PPP2R5C: variants seen among roughly 807,000 people sequenced by gnomAD.
The protein encoded by PPP2R5C is protein phosphatase 2 regulatory subunit B'gamma.
Under a neutral mutation model 68.9 loss-of-function variants are expected in PPP2R5C, and 7 were observed. That is an observed-to-expected ratio of 0.10 (90% CI 0.06 to 0.19). The LOEUF (loss-of-function observed/expected upper bound fraction) is 0.19. Ranked by LOEUF, PPP2R5C falls within the 10% of genes least tolerant of loss-of-function variation. PPP2R5C has a pLI of 1.00. For missense variants in PPP2R5C, 348 were observed against 641.3 expected (o/e 0.54, Z 4.94); for synonymous variants, 210 against 222.2 (o/e 0.95, Z 0.49).
At chr14:101,861,608 C>A (rs1210873985) in intron 2 of PPP2R5C, among the ~76,000 whole-genome samples, 1 of 152,154 alleles carries the variant, frequency 6.6e-6, no homozygotes, top group Non-Finnish European at 1.5e-5. Flanking sequence ...TGTATTATTT[C>A]ATGACCCTTG....
intron 3 of PPP2R5C, among the ~76,000 whole-genome samples, chr14:101,787,047 T>C (rs987932254): frequency 1.3e-5 from 2 of 151,964 alleles, no homozygotes; most frequent in Admixed American, 6.6e-5. Flanking sequence ...AGCCCAGGAG[T>C]TCGAGACCAG....
At chr14:101,836,911 C>T (rs1180371018) in intron 1 of PPP2R5C, among the ~76,000 whole-genome samples, 1 of 152,150 alleles carries the variant, frequency 6.6e-6, no homozygotes, top group Non-Finnish European at 1.5e-5. Context: ...GATATAACTA[C>T]CATGAATTTG....
At chr14:101,890,689 TTATATG>T (rs2044813469) in intron 6 of PPP2R5C, among the ~76,000 whole-genome samples, 1 of 152,150 alleles carries the variant, frequency 6.6e-6, no homozygotes, top group African/African-American at 2.4e-5. Flanking sequence ...CTTCAGTTTT[TTATATG>T]TATATTTATA....
chr14:101,814,856 G>A (rs2039564939), intron 1 of PPP2R5C, among the ~76,000 whole-genome samples: 1 of 152,186 alleles, frequency 6.6e-6, no homozygotes, highest in African/African-American at 2.4e-5. Flanking sequence ...ACAAGCTGTT[G>A]TGAACACTCA....
At chr14:101,820,429 A>G (rs950709334) in intron 1 of PPP2R5C, 2 of 152,252 alleles carry the variant, frequency 1.3e-5, no homozygotes, top group African/African-American at 4.8e-5. Context: ...ACGATGCTAC[A>G]AACAAGCGTG....
At chr14:101,895,505 G>A (rs1298892175) in intron 8 of PPP2R5C, among the ~76,000 whole-genome samples, 1 of 152,066 alleles carries the variant, frequency 6.6e-6, no homozygotes, top group Non-Finnish European at 1.5e-5. Flanking sequence ...CTGCTGACCT[G>A]TAATCTACTT....
chr14:101,816,990 G>C (rs554992837), intron 1 of PPP2R5C, among the ~76,000 whole-genome samples: 17 of 139,430 alleles, frequency 1.2e-4, no homozygotes, highest in Admixed American at 9.6e-4. Context: ...ATGGAGTCTT[G>C]CTCTGTTGCC....
intron 2 of PPP2R5C, among the ~76,000 whole-genome samples, chr14:101,861,854 A>G (rs1335297875): frequency 6.6e-6 from 1 of 152,242 alleles, no homozygotes; most frequent in Non-Finnish European, 1.5e-5. Flanking sequence ...AGTCACTTTA[A>G]GGAAAATAAC....
chr14:101,788,487 G>A (rs540568917), intron 3 of PPP2R5C, among the ~76,000 whole-genome samples: 1 of 152,286 alleles, frequency 6.6e-6, no homozygotes, highest in South Asian at 2.1e-4. Context: ...AGGAGTCGCT[G>A]CACAAGCCTC....
chr14:101,847,255 G>A (rs1211151796), intron 1 of PPP2R5C, among the ~76,000 whole-genome samples: 1 of 152,116 alleles, frequency 6.6e-6, no homozygotes, highest in South Asian at 2.1e-4. Context: ...ATTAATGTAG[G>A]GTATATAAAT....
At chr14:101,794,034 A>T (rs1043834401) in intron 3 of PPP2R5C, among the ~76,000 whole-genome samples, 1 of 152,064 alleles carries the variant, frequency 6.6e-6, no homozygotes, top group Non-Finnish European at 1.5e-5. Context: ...TGGGCACAGG[A>T]TGGAGGCACG....
intron 1 of PPP2R5C, among the ~76,000 whole-genome samples, chr14:101,817,870 A>C (rs2039816566): frequency 6.6e-6 from 1 of 152,192 alleles, no homozygotes; most frequent in Admixed American, 6.5e-5. Context: ...CGTGAGACTC[A>C]GTGCTCATGG....
chr14:101,890,131 A>G (rs2044773376), intron 5 of PPP2R5C, 106 bp from the exon 8 acceptor site: 2 of 1,030,608 alleles, frequency 1.9e-6, no homozygotes, highest in East Asian at 2.5e-5. Context: ...GTTTGCACAA[A>G]TAGATGCGCT....
At chr14:101,764,014 T>TGTGTGC (rs1290432961) in intron 2 of PPP2R5C, among the ~76,000 whole-genome samples, 1 of 151,176 alleles carries the variant, frequency 6.6e-6, no homozygotes, top group Non-Finnish European at 1.5e-5. Flanking sequence ...TGTGTGTGTG[T>TGTGTGC]GTGTGTGTGT....
chr14:101,765,941 C>G (rs1237265872), intron 2 of PPP2R5C: 1 of 152,380 alleles, frequency 6.6e-6, no homozygotes, highest in African/African-American at 2.4e-5. Flanking sequence ...CTCCCATTAC[C>G]CAGTGAACTC....
chr14:101,863,525 CA>C (rs772716459), intron 2 of PPP2R5C, among the ~76,000 whole-genome samples: 1 of 152,006 alleles, frequency 6.6e-6, no homozygotes, highest in Non-Finnish European at 1.5e-5. Flanking sequence ...GGCCTAAGAC[CA>C]AAAAGTTTCA....
rs191795101 is a variant in PPP2R5C, at chr14:101,777,384, C to G, written c.94-8634C>G. ...TGTGTGTTTAAGACAGAGTCTCGCTCTGTTGCCCAGGCTGGAGTATAGTGG... is the reference window on the plus strand; with the variant it reads ...TGTGTGTTTAAGACAGAGTCTCGCTGTGTTGCCCAGGCTGGAGTATAGTGG... On this transcript the variant is annotated intron_variant, in intron 2 of 14. Coordinates refer to the PPP2R5C transcript ENST00000328724. 2.1e-3 allele frequency among the ~76,000 whole-genome samples: 315 copies of G among 152,226 alleles called. 1 individual carries two copies. The highest frequency in any genetic ancestry group is 7.4e-3 in the African/African-American group (307 of 41,524).
intron 2 of PPP2R5C, among the ~76,000 whole-genome samples, chr14:101,763,214 G>GT (rs796906646): frequency 1.7e-4 from 26 of 151,518 alleles, no homozygotes; most frequent in African/African-American, 5.3e-4. Context: ...GTCTTTTGGG[G>GT]TTTTTTTTGT....
At chr14:101,819,224 A>G (rs1595254920) in intron 1 of PPP2R5C, 1 of 711,428 alleles carries the variant, frequency 1.4e-6, no homozygotes, top group Non-Finnish European at 2.4e-6. Flanking sequence ...GGGGGGTAGC[A>G]CTTGATAATC....
Sources: gnomAD v4.1 joint callset for allele counts (sites outside exome capture counted in the v4.1 genomes callset) on GRCh38, gnomAD v4.1.1 for gene constraint, MANE v1.5 for transcripts, NCBI Gene and HGNC (gene_info 2026-07-23, HGNC 2026-07-21) for gene names.